Variants in SIPA1L3 observed in about 807,000 individuals in gnomAD.
The protein encoded by SIPA1L3 is signal induced proliferation associated 1 like 3, also known as signal-induced proliferation-associated 1-like protein 3.
In SIPA1L3, 59 loss-of-function variants were observed where a neutral mutation model predicts 150.1. The ratio of observed to expected loss-of-function variants is 0.39; its 90% CI spans 0.32 to 0.49. SIPA1L3 has a LOEUF of 0.49. Ranked by LOEUF, SIPA1L3 falls within the 20% of genes least tolerant of loss-of-function variation. The pLI is 0.86. For missense variants in SIPA1L3, 2,211 were observed against 2,489.5 expected, an observed-to-expected ratio of 0.89 and a Z score of 2.38; for synonymous variants, 1,070 against 1,077.6, an observed-to-expected ratio of 0.99 and a Z score of 0.14.
In SIPA1L3 at chr19:38,164,772, C is replaced by G. The variant is rs202162795; in HGVS notation, c.4074C>G (p.Asp1358Glu). ...CCGCTGGGAGGTCCCACCACGCAGA[C>G]AGGCGGCGGGAGGTCTCCCCTGCCC... The part of the protein sequence containing the change: ...REAAGRSHHA[D>E]RRREVSPAPA... The change falls in exon 15 of 22, where the codon GAC becomes GAG. Residue 1358 changes from aspartate (D) to glutamate (E), a missense_variant. Coordinates refer to ENST00000222345, the MANE Select transcript of SIPA1L3 (RefSeq NM_015073.3). This position sits in a 1 kb window ranked among gnomAD's most constrained non-coding sequence, Gnocchi z 4.1. The G allele has an allele frequency of 8.1e-6, 13 of 1,612,678 alleles. No homozygotes were observed. In the African/African-American group the frequency reaches 1.2e-4, roughly 15 times the overall value.
rs759104350 is a variant in SIPA1L3 at position 38,057,525 on chromosome 19, T to A, written c.-310-23731T>A. 6.6e-5 allele frequency among the ~76,000 whole-genome samples: 10 copies of A among 152,188 alleles called. No homozygotes were observed. In the East Asian group the frequency reaches 1.3e-3, roughly 21 times the overall value. On this transcript the variant is annotated intron_variant, in intron 2 of 21. Coordinates refer to ENST00000222345, the MANE Select transcript of SIPA1L3 (RefSeq NM_015073.3). ...ATAATTTCTTTAATGGTACTCCTGG[T>A]GTTGCTCATTGAGGTTGGGTTTTTT...
At chr19:37,944,866 C>T (rs2046695440) in intron 1 of SIPA1L3, among the ~76,000 whole-genome samples, 1 of 152,136 alleles carries the variant, frequency 6.6e-6, no homozygotes, top group Non-Finnish European at 1.5e-5. Flanking sequence ...AGGAGAATCA[C>T]TTGAGCCCTG....
At chr19:38,067,333 C>G (rs887473174) in intron 2 of SIPA1L3, among the ~76,000 whole-genome samples, 1 of 152,196 alleles carries the variant, frequency 6.6e-6, no homozygotes, top group Non-Finnish European at 1.5e-5. Context: ...ATGCAGGAAC[C>G]CTGACCTGTG....
rs527248981 is a variant in SIPA1L3 at position 38,102,792 on chromosome 19, A to T, written c.2029+1566A>T. On this transcript the variant is annotated intron_variant, in intron 6 of 21. Transcript: ENST00000222345. ...GACTGCAGTGAGCTATGATCATGCC[A>T]CTACACTCCAGCCCGGATGACAAAG... Among the ~76,000 whole-genome samples, 7 of 149,616 alleles carry T rather than the reference A, an allele frequency of 4.7e-5. No individual in the cohort carries two copies. The East Asian group carries it at 1.4e-3, about 30-fold the overall frequency.
chr19:37,908,616 GTT>G (rs140160333), intron 1 of SIPA1L3, among the ~76,000 whole-genome samples: 1 of 147,974 alleles, frequency 6.8e-6, no homozygotes, highest in Non-Finnish European at 1.5e-5. Flanking sequence ...GTATCTTGCT[GTT>G]TTTTTTTTTA....
chr19:38,053,758 G>T (rs531020591), intron 2 of SIPA1L3, among the ~76,000 whole-genome samples: 3 of 151,720 alleles, frequency 2.0e-5, no homozygotes, highest in African/African-American at 4.8e-5. Flanking sequence ...TAGAGACAGG[G>T]TCTCACTTTC....
At chr19:38,048,684 C>A (rs886376321) in intron 2 of SIPA1L3, among the ~76,000 whole-genome samples, 2 of 152,152 alleles carry the variant, frequency 1.3e-5, no homozygotes, top group Admixed American at 1.3e-4. Flanking sequence ...CGTGTCAGGC[C>A]CAACAGATTT....
chr19:38,032,708 G>A (rs1355955500), intron 2 of SIPA1L3, among the ~76,000 whole-genome samples: 2 of 152,086 alleles, frequency 1.3e-5, no homozygotes, highest in Non-Finnish European at 2.9e-5. Context: ...AAAAAAATTA[G>A]CCAACCGTGG....
chr19:37,918,849 C>T (rs559503518), intron 1 of SIPA1L3, among the ~76,000 whole-genome samples: 133 of 151,000 alleles, frequency 8.8e-4, no homozygotes, highest in Admixed American at 1.8e-3. Context: ...CCAGCCTGGG[C>T]GGCAGAGCGA....
intron 1 of SIPA1L3, among the ~76,000 whole-genome samples, chr19:38,007,507 C>T (rs1328089809): frequency 2.7e-5 from 4 of 150,806 alleles, no homozygotes; most frequent in African/African-American, 4.9e-5. Context: ...TGTAATTGCC[C>T]GGGGGAGGGG....
chr19:37,909,544 A>G (rs547271825), intron 1 of SIPA1L3, among the ~76,000 whole-genome samples: 2 of 152,294 alleles, frequency 1.3e-5, no homozygotes, highest in Admixed American at 6.5e-5. Flanking sequence ...AGGGATTAAC[A>G]TACGTAAACC....
chr19:38,104,383 T>C (rs887132880), intron 6 of SIPA1L3, among the ~76,000 whole-genome samples: 3 of 152,186 alleles, frequency 2.0e-5, no homozygotes, highest in Non-Finnish European at 4.4e-5. Context: ...ATTGCGCTTA[T>C]CTTGGAAGCA....
intron 1 of SIPA1L3, among the ~76,000 whole-genome samples, chr19:38,007,035 G>T (rs1015155881): frequency 6.6e-6 from 1 of 152,178 alleles, no homozygotes; most frequent in Non-Finnish European, 1.5e-5. Context: ...GCAGGAAAAC[G>T]AAAAGAACGC....
intron 15 of SIPA1L3, among the ~76,000 whole-genome samples, chr19:38,180,149 G>A (rs1448322564): frequency 1.3e-5 from 2 of 152,108 alleles, no homozygotes; most frequent in Non-Finnish European, 2.9e-5. Context: ...TCAGGCAGGT[G>A]TGCTAGCAAC....
chr19:38,110,985 A>G (rs191866976), intron 8 of SIPA1L3, among the ~76,000 whole-genome samples: 2 of 150,570 alleles, frequency 1.3e-5, no homozygotes, highest in African/African-American at 2.4e-5. Flanking sequence ...GGTAGGCCCC[A>G]CTTTGGAGGT....
rs371072361 is a variant in SIPA1L3 at position 38,086,771 on chromosome 19, C to T, written c.1535-1950C>T. 1.5e-4 allele frequency among the ~76,000 whole-genome samples: 23 copies of T among 152,252 alleles called. No homozygotes were observed. In the East Asian group the frequency reaches 3.3e-3, roughly 22 times the overall value. ...ACAGCAGGCATAGGGACCACTGCAG[C>T]GGAGTCTGGCAGTAGGGAAGAGAGA... On this transcript the variant is annotated intron_variant, in intron 3 of 21. Transcript: ENST00000222345.
chr19:38,195,700 A>G (rs1568605202), intron 18 of SIPA1L3, among the ~76,000 whole-genome samples: 4 of 147,780 alleles, frequency 2.7e-5, no homozygotes, highest in South Asian at 2.1e-4. Context: ...AGCTTGCTGT[A>G]CCTCATTCTT....
At chr19:37,956,487 G>GT (rs61220966) in intron 1 of SIPA1L3, among the ~76,000 whole-genome samples, 34,339 of 133,406 alleles carry the variant, frequency 0.26, 5,429 homozygotes, top group Non-Finnish European at 0.35. Context: ...TAAAAGTTTT[G>GT]TTTTTTTTTT....
At chr19:37,952,321 C>T (rs1056053702) in intron 1 of SIPA1L3, among the ~76,000 whole-genome samples, 6 of 152,076 alleles carry the variant, frequency 3.9e-5, no homozygotes, top group South Asian at 2.1e-4. Flanking sequence ...CACTTGCAAC[C>T]GAAAGAGTCC....
Sources: gnomAD v4.1 joint callset for allele counts (sites outside exome capture counted in the v4.1 genomes callset) on GRCh38, gnomAD v4.1.1 for gene constraint, Gnocchi (gnomAD v3.1) non-coding constraint, MANE v1.5 for transcripts, NCBI Gene and HGNC (gene_info 2026-07-23, HGNC 2026-07-21) for gene names.